Variants in ATP13A3 observed in about 807,000 individuals in gnomAD.
ATP13A3 encodes ATPase 13A3, also known as polyamine-transporting ATPase 13A3.
A neutral mutation model predicts 158.1 loss-of-function variants in ATP13A3; 59 were observed. The observed-to-expected ratio is 0.37, with a 90% CI of 0.30 to 0.46. The LOEUF (loss-of-function observed/expected upper bound fraction) is 0.46. Ranked by LOEUF, ATP13A3 falls within the 20% of genes least tolerant of loss-of-function variation. ATP13A3 has a pLI of 1.00. For synonymous variants in ATP13A3, 491 were observed against 504.3 expected (o/e 0.97, Z 0.35); for missense variants, 1,166 against 1,525.2 (o/e 0.76, Z 3.92).
chr3:194,428,146 G>A (rs575855037), intron 28 of ATP13A3, among the ~76,000 whole-genome samples: 6 of 151,468 alleles, frequency 4.0e-5, no homozygotes, highest in East Asian at 1.9e-4. Flanking sequence ...GCTTGAACTC[G>A]GGAGGCGGAG....
At chr3:194,471,338 A>G (rs1249294281) in intron 2 of ATP13A3, among the ~76,000 whole-genome samples, 2 of 151,094 alleles carry the variant, frequency 1.3e-5, no homozygotes, top group Admixed American at 6.6e-5. Flanking sequence ...AAAAAAAAAA[A>G]AAAAAAAAAG....
At position 194,405,812 on chromosome 3, in the gene ATP13A3, G is replaced by C; in HGVS notation, c.*107C>G. The C allele has an allele frequency of 8.7e-7, 1 of 1,143,668 alleles. No homozygotes were observed. The highest frequency in any genetic ancestry group is 1.3e-6 in the Non-Finnish European group (1 of 782,624). 70.8% of individuals were successfully genotyped at this position (1,143,668 alleles called of 1,614,324 possible). On this transcript the variant is annotated 3_prime_UTR_variant, in exon 34 of 34. Transcript: ENST00000645319. Reference sequence around the variant, plus strand: ...TGTCAAATAAGCTACTATATCAGAAGGGACATAAACTGAACTAGTGCCATT... The same window carrying C: ...TGTCAAATAAGCTACTATATCAGAACGGACATAAACTGAACTAGTGCCATT...
chr3:194,430,232 G>A, intron 25 of ATP13A3, 41 bp downstream of exon 25: 1 of 1,613,250 alleles, frequency 6.2e-7, no homozygotes. Context: ...ATTTAGGCTA[G>A]AGTAAGAACT....
rs1177040766 is a variant in ATP13A3, at chr3:194,461,533, A to T, written c.51+607T>A. ...CGACTAATCAATTTGATCCACTGAC[A>T]AACTGTCTCATAGTTTCAGGTGAGC... On this transcript the variant is annotated intron_variant, in intron 3 of 33. Coordinates refer to ENST00000645319, the MANE Select transcript of ATP13A3 (RefSeq NM_001367549.1). Among the ~76,000 whole-genome samples, 3 of 152,220 alleles carry T rather than the reference A, an allele frequency of 2.0e-5. No homozygotes were observed. The East Asian group carries it at 5.8e-4, about 29-fold the overall frequency.
rs960230001 is a variant in ATP13A3, at chr3:194,403,842, A to G, written c.*2077T>C. ...CCTACAAATGCTTTTCCAGCCACCT[A>G]AACACCTCATTCCTTTGAAAACAAT... is the stretch of plus-strand genomic sequence containing the variant. On this transcript the variant is annotated 3_prime_UTR_variant, in exon 34 of 34. Transcript: ENST00000645319. 1 of 244,626 alleles carries G rather than the reference A, an allele frequency of 4.1e-6. No individual in the cohort carries two copies. The highest frequency in any genetic ancestry group is 5.5e-5 in the Admixed American group (1 of 18,024). 15.2% of individuals were successfully genotyped at this position (244,626 alleles called of 1,614,324 possible).
At chr3:194,481,009 G>GT in intron 2 of ATP13A3, among the ~76,000 whole-genome samples, 1 of 152,124 alleles carries the variant, frequency 6.6e-6, no homozygotes, top group Non-Finnish European at 1.5e-5. Context: ...TTTCCAACCA[G>GT]TTTTCAAACT....
intron 2 of ATP13A3, among the ~76,000 whole-genome samples, chr3:194,467,467 G>A (rs1398700482): frequency 6.6e-6 from 1 of 152,020 alleles, no homozygotes; most frequent in Non-Finnish European, 1.5e-5. Context: ...CTAAAACGTA[G>A]TTGTTTTTTA....
intron 2 of ATP13A3, among the ~76,000 whole-genome samples, chr3:194,480,683 T>A (rs1376685005): frequency 6.6e-6 from 1 of 152,206 alleles, no homozygotes; most frequent in Non-Finnish European, 1.5e-5. Flanking sequence ...ATACCTAAGT[T>A]ATTTCTCCAT....
chr3:194,454,381 T>C lies in ATP13A3; in HGVS notation c.642A>G (p.Pro214=), dbSNP rs1719043472. The C allele has an allele frequency of 6.2e-7, 1 of 1,611,196 alleles. No homozygotes were observed. The highest frequency in any genetic ancestry group is 8.5e-7 in the Non-Finnish European group (1 of 1,178,092). The part of the protein sequence containing the change: ...FKLLIKEVLN[P]FYIFQLFSVI... ...CACTGAACAGCTGGAAAATGTAAAA[T>C]GGGTTGAGAACCTAAAAAACAAGAT... is the stretch of plus-strand genomic sequence containing the variant. The change falls in exon 9 of 34, where the codon CCA becomes CCG. Residue 214 remains proline (P), a synonymous_variant. Coordinates refer to ENST00000645319, the MANE Select transcript of ATP13A3 (RefSeq NM_001367549.1).
intron 8 of ATP13A3, among the ~76,000 whole-genome samples, chr3:194,454,601 G>C (rs1000660513): frequency 3.4e-5 from 5 of 149,112 alleles, no homozygotes; most frequent in African/African-American, 1.2e-4. Flanking sequence ...GGCCAAGGCG[G>C]GCGGATCATG....
At position 194,430,303 on chromosome 3, in the gene ATP13A3, C is replaced by A; in HGVS notation, c.2637G>T (p.Gly879=). 1.2e-6 allele frequency: 2 copies of A among 1,613,624 alleles called. No individual in the cohort carries two copies. Among genetic ancestry groups the A allele is most frequent in the African/African-American group, 1.3e-5 (1 of 75,028 alleles). ...EALQNVDYFV[G]MCGDGANDCG... Reference sequence around the variant, plus strand: ...AATCATTTGCGCCATCACCACACATCCCAACAAAATAACTAAGAAACAAAA... The same window carrying A: ...AATCATTTGCGCCATCACCACACATACCAACAAAATAACTAAGAAACAAAA... Residue 879 remains glycine (G), a synonymous_variant, in exon 25 of 34, where the codon GGG becomes GGT. Coordinates refer to ENST00000645319, the MANE Select transcript of ATP13A3 (RefSeq NM_001367549.1).
At chr3:194,488,136 G>A (rs1231038754), upstream of ATP13A3, 1 of 152,388 alleles carries the variant, frequency 6.6e-6, no homozygotes. The surrounding 1 kb of genome is among the most constrained non-coding windows in gnomAD (Gnocchi z 4.1). Flanking sequence ...ACGCTGGACC[G>A]AGATGGAACC....
chr3:194,443,400 G>A (rs1333133944), intron 15 of ATP13A3, among the ~76,000 whole-genome samples: 1 of 152,138 alleles, frequency 6.6e-6, no homozygotes, highest in Non-Finnish European at 1.5e-5. Flanking sequence ...ATGTGAAAAT[G>A]TGTATGTAAA....
Position 194,431,102 on chromosome 3 carries a change from A to G in ATP13A3, c.2544+2T>C. 6.2e-7 allele frequency: 1 copy of G among 1,613,500 alleles called. No homozygotes were observed. Among genetic ancestry groups the G allele is most frequent in the South Asian group, 1.1e-5 (1 of 91,046 alleles). On this transcript the variant is annotated splice_donor_variant, in intron 23 of 33. Coordinates refer to ENST00000645319, the MANE Select transcript of ATP13A3 (RefSeq NM_001367549.1). LOFTEE classifies it high-confidence loss of function. ...GCACACACATACACCCAAATTACTT[A>G]CCTTAGGAACAAGGTCTTGAAAATG...
At chr3:194,419,223 C>T (rs188988828) in intron 31 of ATP13A3, among the ~76,000 whole-genome samples, 2 of 152,134 alleles carry the variant, frequency 1.3e-5, no homozygotes, top group East Asian at 1.9e-4. Context: ...CAAGAGCACA[C>T]AAAACTATCT....
At chr3:194,441,574 G>T in intron 15 of ATP13A3, 113 bp from the exon 16 acceptor site, 1 of 930,606 alleles carries the variant, frequency 1.1e-6, no homozygotes, top group Non-Finnish European at 1.6e-6. Context: ...ATCCCAATCT[G>T]AGCTCCTAAG....
intron 29 of ATP13A3, 23 bp from the exon 30 acceptor site, chr3:194,425,552 C>A: frequency 6.3e-7 from 1 of 1,579,092 alleles, no homozygotes; most frequent in South Asian, 1.2e-5. Context: ...CAAAAAATGT[C>A]TGCATTAGTA....
At chr3:194,429,582 T>C in intron 27 of ATP13A3, 96 bp downstream of exon 27, 1 of 823,322 alleles carries the variant, frequency 1.2e-6, no homozygotes. Context: ...CAGAAACAAT[T>C]ACTAATGGAT....
intron 31 of ATP13A3, among the ~76,000 whole-genome samples, chr3:194,417,027 C>T (rs540349103): frequency 4.5e-4 from 69 of 152,240 alleles, no homozygotes; most frequent in African/African-American, 1.4e-3. Flanking sequence ...AGAAACAGAA[C>T]GAGATACTGT....
Sources: gnomAD v4.1 joint callset for allele counts (sites outside exome capture counted in the v4.1 genomes callset) on GRCh38, gnomAD v4.1.1 for gene constraint, Gnocchi (gnomAD v3.1) non-coding constraint, MANE v1.5 for transcripts, NCBI Gene and HGNC (gene_info 2026-07-23, HGNC 2026-07-21) for gene names.